JAZF1: variants seen among roughly 807,000 people sequenced by gnomAD.
JAZF1 encodes the protein JAZF zinc finger 1, also known as juxtaposed with another zinc finger protein 1.
JAZF1 carries 8 observed loss-of-function variants against 26.4 expected under a neutral mutation model. That is an observed-to-expected ratio of 0.30 (90% CI 0.18 to 0.55). The LOEUF (loss-of-function observed/expected upper bound fraction) is 0.55, where lower values mean the gene tolerates loss of function less well. JAZF1 is among the 20% of genes least tolerant of loss of function. The probability of loss-of-function intolerance (pLI) is 0.94; values close to 1 mark genes in which losing one functional copy is unlikely to be tolerated. For missense variants in JAZF1, 199 were observed against 322.0 expected, an observed-to-expected ratio of 0.62 and a Z score of 2.92; for synonymous variants, 126 against 122.3, an observed-to-expected ratio of 1.03 and a Z score of -0.20.
chr7:28,121,576 CCT>C (rs1247728827), intron 1 of JAZF1, among the ~76,000 whole-genome samples: 1 of 152,196 alleles, frequency 6.6e-6, no homozygotes, highest in African/African-American at 2.4e-5. Context: ...TCATCCCACC[CCT>C]GTGCTCACTG....
In JAZF1 at chr7:27,903,566, T is replaced by C. The variant is rs577666037; in HGVS notation, c.189-8150A>G. Among the ~76,000 whole-genome samples the C allele has an allele frequency of 2.0e-5, 3 of 152,304 alleles. No individual in the cohort carries two copies. The South Asian group carries it at 6.2e-4, about 32-fold the overall frequency. ...GGCAAATTCAAGAAGACAGATACAA[T>C]AACTACTCATGAACAGAAAAAGAAG... On this transcript the variant is annotated intron_variant, in intron 2 of 4. Transcript: ENST00000283928.
chr7:27,837,163 A>T (rs1293267071), intron 4 of JAZF1, among the ~76,000 whole-genome samples: 2 of 151,596 alleles, frequency 1.3e-5, no homozygotes, highest in East Asian at 3.9e-4. Flanking sequence ...ACATTTCTTA[A>T]AACAAAACAA....
chr7:28,090,817 G>GTTTTTTTTTTT (rs11367530), intron 1 of JAZF1, among the ~76,000 whole-genome samples: 1 of 101,806 alleles, frequency 9.8e-6, no homozygotes, highest in Non-Finnish European at 2.0e-5. Context: ...TTTTTTAGTT[G>GTTTTTTTTTTT]TTTTTTTTTT....
chr7:27,993,200 TC>T (rs1235717305), intron 1 of JAZF1, among the ~76,000 whole-genome samples: 1 of 152,208 alleles, frequency 6.6e-6, no homozygotes, highest in Admixed American at 6.5e-5. Flanking sequence ...AAATCCTGCC[TC>T]CTGGGTCTTT....
intron 1 of JAZF1, among the ~76,000 whole-genome samples, chr7:28,023,166 TGCAAGGACTCCATGAAGGAA>T (rs1298928039): frequency 6.6e-6 from 1 of 152,204 alleles, no homozygotes; most frequent in Non-Finnish European, 1.5e-5. Context: ...AGAATGGCCT[TGCAAGGACTCCATGAAGGAA>T]GACAGAAACG....
At chr7:27,889,556 A>G (rs1783932952) in intron 3 of JAZF1, among the ~76,000 whole-genome samples, 1 of 152,358 alleles carries the variant, frequency 6.6e-6, no homozygotes, top group Non-Finnish European at 1.5e-5. Context: ...ATATGGGAAA[A>G]GAAAAAGAAG....
chr7:27,889,125 C>G (rs143261040), intron 3 of JAZF1, among the ~76,000 whole-genome samples: 1 of 152,212 alleles, frequency 6.6e-6, no homozygotes, highest in South Asian at 2.1e-4. Context: ...GGTTGTAGAA[C>G]TACCCACCCA....
At chr7:28,029,866 G>GT (rs1293222091) in intron 1 of JAZF1, among the ~76,000 whole-genome samples, 2 of 152,186 alleles carry the variant, frequency 1.3e-5, no homozygotes, top group Non-Finnish European at 2.9e-5. Flanking sequence ...GGAATCAGTG[G>GT]TAAGTTCAGA....
At position 27,840,452 on chromosome 7, in the gene JAZF1, CTT is replaced by C. The variant is rs1309388977; in HGVS notation, c.555+244_555+245del. On this transcript the variant is annotated intron_variant, in intron 4 of 4. Coordinates refer to ENST00000283928, the MANE Select transcript of JAZF1 (RefSeq NM_175061.4). This position sits in a 1 kb window ranked among gnomAD's most constrained non-coding sequence, Gnocchi z 5.1. ...CATGATCCTCCTACAAAAGCTCTCT[CTT>C]GACTGCCAGGCTCCCACGTAGGTGA... Among the ~76,000 whole-genome samples the C allele has an allele frequency of 1.3e-5, 2 of 152,378 alleles. No homozygotes were observed. Among genetic ancestry groups the C allele is most frequent in the Admixed American group, 1.3e-4 (2 of 15,304 alleles).
chr7:27,902,639 T>A (rs1445763952), intron 2 of JAZF1, among the ~76,000 whole-genome samples: 3 of 152,216 alleles, frequency 2.0e-5, no homozygotes, highest in African/African-American at 7.2e-5. Flanking sequence ...TGGTGAGGAT[T>A]AAGTAAGTTA....
intron 1 of JAZF1, among the ~76,000 whole-genome samples, chr7:28,085,975 C>G (rs1313554228): frequency 6.6e-6 from 1 of 152,242 alleles, no homozygotes; most frequent in Non-Finnish European, 1.5e-5. Context: ...GAATTACATG[C>G]ATTTGCACAA....
In JAZF1 at chr7:27,991,771, T is replaced by A. The variant is rs181187323; in HGVS notation, c.188+138A>T. The A allele has an allele frequency of 3.4e-4, 206 of 597,628 alleles. 1 individual carries two copies. Among genetic ancestry groups the A allele is most frequent in the African/African-American group, 3.3e-3 (180 of 53,752 alleles). 37.0% of individuals were successfully genotyped at this position (597,628 alleles called of 1,614,324 possible). A position where few individuals can be genotyped will look rare whatever the true frequency, so the allele number is the denominator to read the frequency against. Reference sequence around the variant, plus strand: ...AACAAAGAAACAAGAGCATTCCATATACAGGTTGCTTTTAAATAGTTTCAT... The same window carrying A: ...AACAAAGAAACAAGAGCATTCCATAAACAGGTTGCTTTTAAATAGTTTCAT... On this transcript the variant is annotated intron_variant, in intron 2 of 4. Transcript: ENST00000283928.
chr7:27,892,286 G>A (rs1783987222), intron 3 of JAZF1, among the ~76,000 whole-genome samples: 1 of 152,162 alleles, frequency 6.6e-6, no homozygotes, highest in African/African-American at 2.4e-5. Flanking sequence ...AATCTTGACA[G>A]ACTGAAAATG....
At chr7:27,878,013 G>A (rs1300905138) in intron 3 of JAZF1, among the ~76,000 whole-genome samples, 1 of 152,194 alleles carries the variant, frequency 6.6e-6, no homozygotes, top group Non-Finnish European at 1.5e-5. Flanking sequence ...TTATGCTCCA[G>A]ACATGGACTC....
At chr7:27,999,694 C>T (rs1045749699) in intron 1 of JAZF1, among the ~76,000 whole-genome samples, 4 of 152,106 alleles carry the variant, frequency 2.6e-5, no homozygotes, top group Non-Finnish European at 2.9e-5. Context: ...GGCCACAAAT[C>T]CTAAGCCCAG....
intron 3 of JAZF1, among the ~76,000 whole-genome samples, chr7:27,858,247 G>C (rs1285285450): frequency 6.6e-6 from 1 of 152,134 alleles, no homozygotes; most frequent in Non-Finnish European, 1.5e-5. Flanking sequence ...CAAACAAATG[G>C]AAAAACATTC....
chr7:28,176,120 C>T (rs1179476881), intron 1 of JAZF1, among the ~76,000 whole-genome samples: 1 of 152,170 alleles, frequency 6.6e-6, no homozygotes, highest in East Asian at 1.9e-4. Flanking sequence ...AGTAGAGACT[C>T]ACAACAAGAA....
intron 1 of JAZF1, among the ~76,000 whole-genome samples, chr7:28,155,398 T>C (rs1783166895): frequency 6.6e-6 from 1 of 152,214 alleles, no homozygotes; most frequent in Admixed American, 6.5e-5. Flanking sequence ...TACAGGGCTC[T>C]GGAATAATAC....
chr7:28,071,446 T>C (rs1438610083), intron 1 of JAZF1, among the ~76,000 whole-genome samples: 3 of 152,258 alleles, frequency 2.0e-5, no homozygotes, highest in Non-Finnish European at 4.4e-5. Context: ...TCTTTAGTCC[T>C]CCTTTCAAAC....
Sources: allele counts gnomAD v4.1 joint callset (sites outside exome capture counted in the v4.1 genomes callset), GRCh38; gene constraint gnomAD v4.1.1; non-coding constraint Gnocchi (gnomAD v3.1); transcripts MANE v1.5; gene names NCBI Gene and HGNC (gene_info 2026-07-23, HGNC 2026-07-21).